Variants in LEPR observed in about 807,000 individuals in gnomAD.
LEPR encodes leptin receptor.
A neutral mutation model predicts 114.7 loss-of-function variants in LEPR; 56 were observed. The ratio of observed to expected loss-of-function variants is 0.49; its 90% CI spans 0.39 to 0.61. LEPR has a LOEUF of 0.61. Ranked by LOEUF, LEPR falls within the 20% of genes least tolerant of loss-of-function variation. The probability of loss-of-function intolerance (pLI) is 0.00; values close to 1 mark genes in which losing one functional copy is unlikely to be tolerated. For missense variants in LEPR, 1,202 were observed against 1,352.9 expected (o/e 0.89, Z 1.75); for synonymous variants, 443 against 461.4 (o/e 0.96, Z 0.51).
chr1:65,496,571 G>GAAAACA, intron 2 of LEPR, among the ~76,000 whole-genome samples: 1 of 152,040 alleles, frequency 6.6e-6, no homozygotes, highest in South Asian at 2.1e-4. Flanking sequence ...CCCTCTCTCA[G>GAAAACA]AAAACAAAAA....
At chr1:65,424,910 G>A (rs1279867087) in intron 1 of LEPR, among the ~76,000 whole-genome samples, 2 of 152,198 alleles carry the variant, frequency 1.3e-5, no homozygotes, top group East Asian at 1.9e-4. Context: ...CACGGTGAGA[G>A]GGATGGAGCC....
intron 2 of LEPR, among the ~76,000 whole-genome samples, chr1:65,545,407 G>C (rs1269038738): frequency 6.6e-6 from 1 of 151,840 alleles, no homozygotes; most frequent in African/African-American, 2.4e-5. Flanking sequence ...GGTTGAACTA[G>C]TTTAGAGTCC....
rs927120979 is a variant in LEPR at position 65,567,683 on chromosome 1, C to T, written c.40+2078C>T. Reference sequence around the variant, plus strand: ...GTTTGAATATTTTCACTGATAATTGCTTTTGTAATGAAAAAATACATTTGT... The same window carrying T: ...GTTTGAATATTTTCACTGATAATTGTTTTTGTAATGAAAAAATACATTTGT... On this transcript the variant is annotated intron_variant, in intron 3 of 19. Coordinates refer to ENST00000349533, the MANE Select transcript of LEPR (RefSeq NM_002303.6). 3.9e-5 allele frequency among the ~76,000 whole-genome samples: 6 copies of T among 152,018 alleles called. No homozygotes were observed. The East Asian group carries it at 1.2e-3, about 29-fold the overall frequency.
chr1:65,605,251 C>T lies in LEPR; in HGVS notation c.1603+14C>T, dbSNP rs772029463. ...CTGATTCTGTGGGTATGTCAAGCTG[C>T]GTTGTGTCTTCATTTGTGTTAGCAG... On this transcript the variant is annotated intron_variant, in intron 11 of 19. Transcript: ENST00000349533. The T allele has an allele frequency of 3.5e-5, 57 of 1,613,414 alleles. No homozygotes were observed. In the Admixed American group the frequency reaches 7.2e-4, roughly 20 times the overall value.
At chr1:65,434,010 C>A (rs1646523779) in intron 2 of LEPR, 4 of 985,222 alleles carry the variant, frequency 4.1e-6, no homozygotes, top group Non-Finnish European at 4.8e-6. Context: ...TGATTCATTT[C>A]TACTACATTT....
intron 2 of LEPR, among the ~76,000 whole-genome samples, chr1:65,503,386 CA>C (rs1197908948): frequency 6.6e-6 from 1 of 152,112 alleles, no homozygotes; most frequent in Non-Finnish European, 1.5e-5. Flanking sequence ...ATGCTACAAA[CA>C]TATGATAAAA....
At chr1:65,488,163 T>TTCCTTCCTTCCTTCCTTC (rs1557619884) in intron 2 of LEPR, among the ~76,000 whole-genome samples, 2 of 29,130 alleles carry the variant, frequency 6.9e-5, no homozygotes, top group Middle Eastern at 0.024. Flanking sequence ...TTCCTTCCTT[T>TTCCTTCCTTCCTTCCTTC]CTTTCTTTCT....
At chr1:65,502,640 G>A (rs1015984803) in intron 2 of LEPR, among the ~76,000 whole-genome samples, 2 of 152,112 alleles carry the variant, frequency 1.3e-5, no homozygotes, top group African/African-American at 4.8e-5. Context: ...AGAAGTCAGA[G>A]AAATCATCAT....
At chr1:65,469,164 A>T (rs115235383) in intron 2 of LEPR, among the ~76,000 whole-genome samples, 3,489 of 151,844 alleles carry the variant, frequency 0.023, 78 homozygotes, top group South Asian at 0.09. Context: ...ATTTCTGTCA[A>T]CCTGAGCTAT....
intron 2 of LEPR, among the ~76,000 whole-genome samples, chr1:65,468,935 G>A (rs761191764): frequency 1.3e-5 from 2 of 152,184 alleles, no homozygotes; most frequent in Non-Finnish European, 2.9e-5. Context: ...GTTCAGTGCC[G>A]GGTGATTTTT....
intron 2 of LEPR, among the ~76,000 whole-genome samples, chr1:65,501,799 G>C (rs1008623439): frequency 1.3e-5 from 2 of 152,024 alleles, no homozygotes; most frequent in Admixed American, 6.6e-5. Flanking sequence ...GTAACACAAG[G>C]GTCCAAGGAG....
intron 2 of LEPR, among the ~76,000 whole-genome samples, chr1:65,480,967 T>C (rs1647221659): frequency 6.6e-6 from 1 of 152,190 alleles, no homozygotes; most frequent in African/African-American, 2.4e-5. Context: ...TATAACAAAA[T>C]ACCATAGACT....
chr1:65,579,803 A>G (rs1238852453), intron 5 of LEPR, among the ~76,000 whole-genome samples: 3 of 152,152 alleles, frequency 2.0e-5, no homozygotes, highest in Admixed American at 2.0e-4. Context: ...AAAGATAAGT[A>G]TATGTGTAAT....
chr1:65,421,488 CGAA>C (rs1646249911), intron 1 of LEPR: 1 of 1,535,734 alleles, frequency 6.5e-7, no homozygotes, highest in East Asian at 2.4e-5. Context: ...TCTAATCTGT[CGAA>C]TAGAGTAGCA....
rs574660747 is a variant in LEPR, at chr1:65,526,102, G to A, written c.-20-39444G>A. On this transcript the variant is annotated intron_variant, in intron 2 of 19. Coordinates refer to ENST00000349533, the MANE Select transcript of LEPR (RefSeq NM_002303.6). ...GGCAGCGCCTGGAGCGAACCTGCTC[G>A]GGACCACCGAGAGAGCATGCCACCC... The A allele has an allele frequency of 4.2e-5, 41 of 969,360 alleles. No individual in the cohort carries two copies. In the African/African-American group the frequency reaches 7.7e-4, roughly 18 times the overall value. The allele number at this position is 969,360 out of a possible 1,614,324, so 60.0% of individuals were successfully genotyped here.
At chr1:65,518,720 C>G (rs999295808) in intron 2 of LEPR, among the ~76,000 whole-genome samples, 20 of 152,194 alleles carry the variant, frequency 1.3e-4, no homozygotes, top group African/African-American at 4.3e-4. Flanking sequence ...TTCCACATAA[C>G]TGCAGGACAC....
intron 12 of LEPR, among the ~76,000 whole-genome samples, 184 bp downstream of exon 12, chr1:65,609,085 A>G (rs1657006461): frequency 6.6e-6 from 1 of 152,222 alleles, no homozygotes; most frequent in Non-Finnish European, 1.5e-5. Context: ...CCTGAAATCC[A>G]TCATTCCCTG....
At chr1:65,485,517 C>A (rs1647441860) in intron 2 of LEPR, among the ~76,000 whole-genome samples, 1 of 152,114 alleles carries the variant, frequency 6.6e-6, no homozygotes, top group Non-Finnish European at 1.5e-5. Context: ...CCATAGAGAG[C>A]ATCACCATCA....
In LEPR at chr1:65,451,132, T is replaced by C. The variant is rs1434742280; in HGVS notation, c.-21+25754T>C. ...CACTTTTTGATGGGGTTGTTTGTTT[T>C]TTTCTTGTAAATTACTTTGAGTTCA... On this transcript the variant is annotated intron_variant, in intron 2 of 19. Coordinates refer to ENST00000349533, the MANE Select transcript of LEPR (RefSeq NM_002303.6). Among the ~76,000 whole-genome samples, 4 of 152,332 alleles carry C rather than the reference T, an allele frequency of 2.6e-5. No individual in the cohort carries two copies. In the East Asian group the frequency reaches 7.7e-4, roughly 29 times the overall value.
Sources: gnomAD v4.1 joint callset for allele counts (sites outside exome capture counted in the v4.1 genomes callset) on GRCh38, gnomAD v4.1.1 for gene constraint, MANE v1.5 for transcripts, NCBI Gene and HGNC (gene_info 2026-07-23, HGNC 2026-07-21) for gene names.